The following TMTC2 variants were observed in gnomAD, a reference collection of about 807,000 sequenced individuals.
TMTC2 encodes transmembrane O-mannosyltransferase targeting cadherins 2, also known as protein O-mannosyl-transferase TMTC2.
In TMTC2, 43 loss-of-function variants were observed where a neutral mutation model predicts 82.4. That is an observed-to-expected ratio of 0.52 (90% CI 0.41 to 0.67). The LOEUF (loss-of-function observed/expected upper bound fraction) is 0.67. Among genes scored for constraint, TMTC2 ranks in the 30% least tolerant of loss-of-function variants. The pLI, the probability that TMTC2 is intolerant of heterozygous loss-of-function variation, is 0.00. For synonymous variants in TMTC2, 408 were observed against 381.9 expected (o/e 1.07, Z -0.80); for missense variants, 919 against 1,012.4 (o/e 0.91, Z 1.25).
At chr12:82,973,818 A>G (rs575430302) in intron 7 of TMTC2, among the ~76,000 whole-genome samples, 69 of 152,322 alleles carry the variant, frequency 4.5e-4, no homozygotes, top group African/African-American at 1.5e-3. Context: ...GATCATGTGT[A>G]GGTCTAAATG....
chr12:83,124,228 G>A (rs536699021), intron 11 of TMTC2, among the ~76,000 whole-genome samples: 2 of 152,174 alleles, frequency 1.3e-5, no homozygotes, highest in African/African-American at 2.4e-5. Flanking sequence ...TTGTCTGGCC[G>A]AGCACATATA....
chr12:82,803,008 G>A (rs1332503284), intron 1 of TMTC2, among the ~76,000 whole-genome samples: 2 of 152,108 alleles, frequency 1.3e-5, no homozygotes, highest in Non-Finnish European at 2.9e-5. Flanking sequence ...TATTGTAAAA[G>A]TGTTATCAAC....
chr12:82,755,654 C>G (rs986529157), intron 1 of TMTC2, among the ~76,000 whole-genome samples: 1 of 152,148 alleles, frequency 6.6e-6, no homozygotes, highest in Non-Finnish European at 1.5e-5. Context: ...AGGACCTAGT[C>G]TGAATACCTG....
intron 2 of TMTC2, among the ~76,000 whole-genome samples, chr12:82,859,193 A>G (rs899684526): frequency 4.0e-5 from 6 of 151,052 alleles, no homozygotes; most frequent in Admixed American, 6.6e-5. Context: ...TCAGCCTCCC[A>G]AGTAGCTGGG....
At position 82,873,172 on chromosome 12, in the gene TMTC2, A is replaced by G. The variant is rs183343539; in HGVS notation, c.654+15592A>G. Among the ~76,000 whole-genome samples the G allele has an allele frequency of 1.6e-4, 25 of 151,580 alleles. 1 individual carries two copies. Among genetic ancestry groups the G allele is most frequent in the African/African-American group, 5.6e-4 (23 of 41,274 alleles). ...ATCAATCTTAATTTTATATTTTGGA[A>G]TGGAATTAAGGATAGGGATTTTGGC... On this transcript the variant is annotated intron_variant, in intron 2 of 11. Coordinates refer to ENST00000321196, the MANE Select transcript of TMTC2 (RefSeq NM_152588.3).
chr12:82,911,153 T>G (rs1281730324), intron 3 of TMTC2, among the ~76,000 whole-genome samples: 2 of 152,164 alleles, frequency 1.3e-5, no homozygotes, highest in Non-Finnish European at 2.9e-5. Flanking sequence ...GTGTTGGGAT[T>G]GCAGGTGTGA....
intron 8 of TMTC2, among the ~76,000 whole-genome samples, chr12:83,029,969 A>C (rs1881359259): frequency 6.6e-6 from 1 of 152,224 alleles, no homozygotes; most frequent in Admixed American, 6.5e-5. Context: ...CTGGATTAGC[A>C]GAATTTTAGT....
chr12:82,751,796 A>G (rs906800657), intron 1 of TMTC2, among the ~76,000 whole-genome samples: 1 of 152,166 alleles, frequency 6.6e-6, no homozygotes, highest in Admixed American at 6.5e-5. Context: ...TGGAAAAAGT[A>G]TCTGGAATTG....
chr12:82,872,439 A>G (rs1483457213), intron 2 of TMTC2, among the ~76,000 whole-genome samples: 4 of 152,224 alleles, frequency 2.6e-5, no homozygotes, highest in African/African-American at 9.6e-5. Flanking sequence ...TTCGGATTCA[A>G]TTGACATTGA....
At chr12:82,899,700 A>G (rs1404373296) in intron 3 of TMTC2, among the ~76,000 whole-genome samples, 2 of 144,152 alleles carry the variant, frequency 1.4e-5, no homozygotes, top group Non-Finnish European at 3.0e-5. Context: ...ATAAGAAAAT[A>G]TATATATGTG....
At position 82,857,595 on chromosome 12, in the gene TMTC2, G is replaced by T; in HGVS notation, c.654+15G>T. 6.3e-7 allele frequency: 1 copy of T among 1,580,178 alleles called. No individual in the cohort carries two copies. The highest frequency in any genetic ancestry group is 2.2e-5 in the East Asian group (1 of 44,620). ...CCATTTACAAAGTAAGTGATTGTTG[G>T]CTCTTGAGCATTGGATTACTGAGTA... On this transcript the variant is annotated intron_variant, in intron 2 of 11. Transcript: ENST00000321196.
In TMTC2 at chr12:82,687,581, G is replaced by A. The variant is rs1347209103; in HGVS notation, c.-6G>A. On this transcript the variant is annotated 5_prime_UTR_variant, in exon 1 of 12. The change creates a premature stop within an existing upstream ORF in the 5' untranslated region. Coordinates refer to ENST00000321196, the MANE Select transcript of TMTC2 (RefSeq NM_152588.3). The stretch of plus-strand genomic sequence containing the variant: ...GGAGCCGAGCCGGAGGGAAGGCGGT[G>A]GAGAGATGATTGCAGAGTTGGTGAG... The A allele has an allele frequency of 6.3e-7, 1 of 1,595,034 alleles. No homozygotes were observed. The highest frequency in any genetic ancestry group is 8.5e-7 in the Non-Finnish European group (1 of 1,172,432).
intron 2 of TMTC2, among the ~76,000 whole-genome samples, chr12:82,873,921 C>G (rs115519473): frequency 0.015 from 2,295 of 152,132 alleles, 66 homozygotes; most frequent in African/African-American, 0.053. Context: ...TAAAATATGC[C>G]CAGCTTATTG....
intron 11 of TMTC2, among the ~76,000 whole-genome samples, chr12:83,126,676 G>T (rs1271215555): frequency 6.6e-6 from 1 of 152,086 alleles, no homozygotes; most frequent in African/African-American, 2.4e-5. Flanking sequence ...ATGTATATGG[G>T]TGGGGGGGCA....
chr12:82,929,391 C>T (rs1361960267), intron 3 of TMTC2, among the ~76,000 whole-genome samples: 1 of 152,144 alleles, frequency 6.6e-6, no homozygotes, highest in Admixed American at 6.6e-5. Flanking sequence ...TTTATATTAA[C>T]ACACTTCATC....
chr12:83,104,696 G>T (rs966478704), intron 11 of TMTC2, among the ~76,000 whole-genome samples: 4 of 152,182 alleles, frequency 2.6e-5, no homozygotes, highest in African/African-American at 7.2e-5. Context: ...GAGAGGAGCT[G>T]CTGTGAAGGT....
chr12:82,764,837 ATT>A (rs10603409), intron 1 of TMTC2, among the ~76,000 whole-genome samples: 105,023 of 146,194 alleles, frequency 0.72, 37,838 homozygotes, highest in East Asian at 0.98. Context: ...GTGAATCTGC[ATT>A]TTTTTTTTTT....
intron 1 of TMTC2, among the ~76,000 whole-genome samples, chr12:82,809,107 A>G (rs1429826647): frequency 2.7e-5 from 4 of 149,816 alleles, no homozygotes; most frequent in African/African-American, 7.3e-5. Flanking sequence ...TTATATATCT[A>G]TAGTATTTAG....
chr12:82,873,073 A>G (rs1023582646), intron 2 of TMTC2, among the ~76,000 whole-genome samples: 2 of 152,224 alleles, frequency 1.3e-5, no homozygotes, highest in African/African-American at 4.8e-5. Context: ...TAATTCACAT[A>G]TCATAAAATT....
Sources: allele counts gnomAD v4.1 joint callset (sites outside exome capture counted in the v4.1 genomes callset), GRCh38; gene constraint gnomAD v4.1.1; transcripts MANE v1.5; gene names NCBI Gene and HGNC (gene_info 2026-07-23, HGNC 2026-07-21).